The following FSIP1 variants were observed in gnomAD, a reference collection of about 807,000 sequenced individuals.
FSIP1 encodes fibrous sheath interacting protein 1, also known as fibrous sheath-interacting protein 1.
FSIP1 carries 65 observed loss-of-function variants against 60.9 expected under a neutral mutation model. The ratio of observed to expected loss-of-function variants is 1.07; its 90% CI spans 0.87 to 1.31. The LOEUF is 1.31. Ranked by LOEUF, FSIP1 falls within the 40% of genes most tolerant of loss-of-function variation. The pLI, the probability that FSIP1 is intolerant of heterozygous loss-of-function variation, is 0.00. For synonymous variants in FSIP1, 209 were observed against 221.2 expected (o/e 0.94, Z 0.49); for missense variants, 675 against 665.5 (o/e 1.01, Z -0.16).
intron 1 of FSIP1, among the ~76,000 whole-genome samples, chr15:39,779,544 T>G (rs1898179235): frequency 6.6e-6 from 1 of 152,226 alleles, no homozygotes; most frequent in Non-Finnish European, 1.5e-5. Flanking sequence ...TATTGGTACA[T>G]CTTTCCCATT....
intron 10 of FSIP1, among the ~76,000 whole-genome samples, chr15:39,687,764 C>T (rs1222897860): frequency 6.6e-6 from 1 of 152,152 alleles, no homozygotes; most frequent in African/African-American, 2.4e-5. Flanking sequence ...TATCCTCTTG[C>T]CTTGCCTGAT....
intron 1 of FSIP1, among the ~76,000 whole-genome samples, chr15:39,782,048 G>A (rs1898284787): frequency 6.6e-6 from 1 of 152,180 alleles, no homozygotes; most frequent in South Asian, 2.1e-4. Flanking sequence ...TATTAGAATT[G>A]CTGAGTCAAA....
Position 39,776,392 on chromosome 15 carries a change from A to G in FSIP1, c.126+7T>C. ...AGGAGTTTAAATCTTTTCTAAACGT[A>G]AATTACCTTGAAGGATCCTGGTTCT... On this transcript the variant is annotated splice_region_variant and intron_variant, in intron 2 of 11. Transcript: ENST00000350221. 1.2e-6 allele frequency: 2 copies of G among 1,610,008 alleles called. No homozygotes were observed. Among genetic ancestry groups the G allele is most frequent in the Non-Finnish European group, 1.7e-6 (2 of 1,178,844 alleles).
intron 11 of FSIP1, among the ~76,000 whole-genome samples, chr15:39,607,654 G>T (rs1890875869): frequency 6.6e-6 from 1 of 152,076 alleles, no homozygotes; most frequent in South Asian, 2.1e-4. Context: ...CATTTAAATT[G>T]GTCTTCAAGG....
At chr15:39,758,910 T>C (rs1362766471) in intron 5 of FSIP1, among the ~76,000 whole-genome samples, 1 of 152,006 alleles carries the variant, frequency 6.6e-6, no homozygotes, top group African/African-American at 2.4e-5. Flanking sequence ...AAGCTAGCAT[T>C]TCAAATAAGT....
intron 5 of FSIP1, among the ~76,000 whole-genome samples, chr15:39,757,395 A>G (rs1052237080): frequency 6.6e-6 from 1 of 152,102 alleles, no homozygotes; most frequent in African/African-American, 2.4e-5. Context: ...GTCAAACTGG[A>G]CTGTTGTGTT....
intron 9 of FSIP1, among the ~76,000 whole-genome samples, chr15:39,723,176 T>C (rs1373776832): frequency 6.6e-6 from 1 of 152,204 alleles, no homozygotes; most frequent in Non-Finnish European, 1.5e-5. Flanking sequence ...TTTGGAGAGC[T>C]TCTAATTAGT....
intron 2 of FSIP1, among the ~76,000 whole-genome samples, chr15:39,776,198 G>C (rs113191815): frequency 0.043 from 3,500 of 81,028 alleles, 254 homozygotes; most frequent in African/African-American, 0.17. Context: ...GGAGGAGAGA[G>C]AGGGAGGGAG....
At chr15:39,606,992 G>A (rs1431826764) in intron 11 of FSIP1, among the ~76,000 whole-genome samples, 4 of 152,122 alleles carry the variant, frequency 2.6e-5, no homozygotes, top group Admixed American at 2.6e-4. Flanking sequence ...TTGTCTCTGA[G>A]GTTAAGTGTG....
intron 5 of FSIP1, among the ~76,000 whole-genome samples, chr15:39,756,820 T>C (rs1240564463): frequency 6.6e-6 from 1 of 152,130 alleles, no homozygotes; most frequent in East Asian, 1.9e-4. Flanking sequence ...AATGATTCTC[T>C]CTGAATATAG....
chr15:39,752,356 T>C (rs891433151), intron 5 of FSIP1, among the ~76,000 whole-genome samples: 13 of 151,954 alleles, frequency 8.6e-5, no homozygotes, highest in African/African-American at 3.1e-4. Flanking sequence ...GGGCTGCAAA[T>C]AGCAATCTCT....
chr15:39,764,278 C>T (rs1897606048), intron 4 of FSIP1, among the ~76,000 whole-genome samples: 1 of 152,060 alleles, frequency 6.6e-6, no homozygotes, highest in Non-Finnish European at 1.5e-5. Flanking sequence ...ATAATTCTTG[C>T]TTCAAAGGAA....
intron 2 of FSIP1, among the ~76,000 whole-genome samples, chr15:39,775,514 GA>G (rs910991986): frequency 9.4e-5 from 14 of 149,164 alleles, no homozygotes; most frequent in African/African-American, 3.2e-4. Context: ...GACTGCTGAA[GA>G]AAAAAAAAAT....
chr15:39,609,988 C>T (rs575830742), intron 11 of FSIP1, among the ~76,000 whole-genome samples: 51 of 152,260 alleles, frequency 3.3e-4, no homozygotes, highest in African/African-American at 1.1e-3. Context: ...TGAAGGTCTA[C>T]CACTGTGAAA....
intron 10 of FSIP1, among the ~76,000 whole-genome samples, chr15:39,651,516 C>A (rs1323365223): frequency 3.3e-5 from 5 of 152,176 alleles, no homozygotes; most frequent in African/African-American, 1.2e-4. Context: ...GGGCAAGTTA[C>A]TTCTCTAAGC....
intron 10 of FSIP1, among the ~76,000 whole-genome samples, chr15:39,638,373 A>G (rs1455405191): frequency 6.6e-6 from 1 of 152,260 alleles, no homozygotes; most frequent in Non-Finnish European, 1.5e-5. Context: ...CAGAAATTCA[A>G]TTCTAGGAGA....
intron 9 of FSIP1, among the ~76,000 whole-genome samples, chr15:39,721,189 C>T (rs1180022378): frequency 6.6e-6 from 1 of 152,218 alleles, no homozygotes; most frequent in Non-Finnish European, 1.5e-5. Context: ...GTTCCTCAAA[C>T]TATTCTGACT....
intron 10 of FSIP1, among the ~76,000 whole-genome samples, chr15:39,665,390 T>C (rs1433609109): frequency 2.0e-5 from 3 of 152,186 alleles, no homozygotes; most frequent in African/African-American, 7.2e-5. Flanking sequence ...ACTCATCCCC[T>C]ACTTTTTCAA....
chr15:39,710,841 T>C (rs577608120), intron 10 of FSIP1, among the ~76,000 whole-genome samples: 18 of 152,366 alleles, frequency 1.2e-4, no homozygotes, highest in Middle Eastern at 3.4e-3. Flanking sequence ...ATTAAATACT[T>C]TAGTATCTGT....
Sources: gnomAD v4.1 joint callset for allele counts (sites outside exome capture counted in the v4.1 genomes callset) on GRCh38, gnomAD v4.1.1 for gene constraint, MANE v1.5 for transcripts, NCBI Gene and HGNC (gene_info 2026-07-23, HGNC 2026-07-21) for gene names.